NRXN1: variants seen among roughly 807,000 people sequenced by gnomAD.
NRXN1 encodes the protein neurexin 1.
A neutral mutation model predicts 150.9 loss-of-function variants in NRXN1; 39 were observed. That is an observed-to-expected ratio of 0.26 (90% CI 0.20 to 0.34). NRXN1 has a LOEUF of 0.34. Ranked by LOEUF, NRXN1 falls within the 10% of genes least tolerant of loss-of-function variation. NRXN1 has a pLI of 1.00. For missense variants in NRXN1, 1,815 were observed against 1,949.9 expected (o/e 0.93, Z 1.30); for synonymous variants, 924 against 757.0 (o/e 1.22, Z -3.62).
chr2:50,494,743 T>G (rs1023665182), intron 15 of NRXN1, among the ~76,000 whole-genome samples: 4 of 152,110 alleles, frequency 2.6e-5, no homozygotes, highest in African/African-American at 9.7e-5. Flanking sequence ...TAGAAAGAGT[T>G]CTGTTGAGGC....
At chr2:50,875,254 A>G (rs967106715) in intron 5 of NRXN1, among the ~76,000 whole-genome samples, 1 of 151,740 alleles carries the variant, frequency 6.6e-6, no homozygotes, top group African/African-American at 2.4e-5. Flanking sequence ...TGTTGACCAT[A>G]TAACTTCTTC....
chr2:49,922,274 A>G (rs1392821888), intron 22 of NRXN1, 23 bp from the exon 23 acceptor site: 1 of 1,603,480 alleles, frequency 6.2e-7, no homozygotes, highest in East Asian at 2.2e-5. Context: ...GGATGAGAAC[A>G]AACACAAAGT....
chr2:49,986,849 AG>A (rs1463780582), intron 21 of NRXN1, among the ~76,000 whole-genome samples: 1 of 152,096 alleles, frequency 6.6e-6, no homozygotes, highest in Non-Finnish European at 1.5e-5. Context: ...GGATTGCTTG[AG>A]CCCAGGAGTT....
chr2:50,683,646 A>AAAAAAAAAAAATATATATATAT, intron 5 of NRXN1, among the ~76,000 whole-genome samples: 11 of 14,894 alleles, frequency 7.4e-4, no homozygotes, highest in East Asian at 3.8e-3. Flanking sequence ...AAAAAAAAAA[A>AAAAAAAAAAAATATATATATAT]ATATATATAT....
chr2:50,885,853 G>A (rs1252411452), intron 5 of NRXN1, among the ~76,000 whole-genome samples: 5 of 84,946 alleles, frequency 5.9e-5, no homozygotes, highest in Admixed American at 1.1e-4. Flanking sequence ...ACACACACAC[G>A]TCTATACCAT....
intron 5 of NRXN1, among the ~76,000 whole-genome samples, chr2:50,679,953 C>A (rs1440253791): frequency 6.6e-6 from 1 of 150,594 alleles, no homozygotes; most frequent in African/African-American, 2.4e-5. Context: ...GGAAACATGG[C>A]AAAACCTCGT....
chr2:50,904,539 C>T (rs1683395644), intron 5 of NRXN1, among the ~76,000 whole-genome samples: 1 of 152,128 alleles, frequency 6.6e-6, no homozygotes, highest in East Asian at 1.9e-4. Context: ...TGATGCAATA[C>T]AAGGAATGTC....
At chr2:50,906,715 C>T (rs1683733312) in intron 5 of NRXN1, among the ~76,000 whole-genome samples, 1 of 152,186 alleles carries the variant, frequency 6.6e-6, no homozygotes, top group Admixed American at 6.6e-5. Flanking sequence ...TTGCTTGCAA[C>T]CTGCATTTCT....
intron 17 of NRXN1, among the ~76,000 whole-genome samples, chr2:50,401,456 G>A (rs951684492): frequency 1.3e-5 from 2 of 152,058 alleles, no homozygotes; most frequent in African/African-American, 4.8e-5. Context: ...CTTCTTCACT[G>A]GTGAGAGCGG....
intron 17 of NRXN1, among the ~76,000 whole-genome samples, chr2:50,439,772 G>C (rs1396797444): frequency 6.6e-6 from 1 of 150,902 alleles, no homozygotes; most frequent in African/African-American, 2.4e-5. Context: ...AACCGAAATT[G>C]TGCCACTGCA....
At chr2:50,151,201 A>G (rs1318834974) in intron 18 of NRXN1, among the ~76,000 whole-genome samples, 1 of 151,740 alleles carries the variant, frequency 6.6e-6, no homozygotes. Flanking sequence ...TTCTTTCCTC[A>G]GCTTTGTTAT....
intron 5 of NRXN1, among the ~76,000 whole-genome samples, chr2:50,651,876 T>A (rs1385873171): frequency 1.3e-5 from 2 of 151,870 alleles, no homozygotes; most frequent in Admixed American, 6.6e-5. Context: ...CTACCCAGAG[T>A]TGCACTGAAA....
intron 5 of NRXN1, chr2:50,916,705 T>C (rs540190473): frequency 2.8e-4 from 43 of 151,744 alleles, no homozygotes; most frequent in African/African-American, 9.4e-4. Flanking sequence ...GATAAGTTAG[T>C]CTACAACAAG....
At chr2:50,413,038 G>C (rs1318522436) in intron 17 of NRXN1, among the ~76,000 whole-genome samples, 2 of 152,078 alleles carry the variant, frequency 1.3e-5, no homozygotes, top group Non-Finnish European at 2.9e-5. Context: ...ACTTTCATGA[G>C]GAATACACTA....
At chr2:50,764,149 G>A (rs1265178674) in intron 5 of NRXN1, among the ~76,000 whole-genome samples, 2 of 151,798 alleles carry the variant, frequency 1.3e-5, no homozygotes, top group East Asian at 3.9e-4. Context: ...CCCCTGTAGA[G>A]CAACATATCC....
chr2:50,335,392 C>T (rs577812411), intron 17 of NRXN1, among the ~76,000 whole-genome samples: 7 of 152,052 alleles, frequency 4.6e-5, no homozygotes, highest in Non-Finnish European at 1.0e-4. Context: ...TTTCTCTTAC[C>T]GAAATCTCTC....
At chr2:50,420,253 A>G (rs1386082204) in intron 17 of NRXN1, among the ~76,000 whole-genome samples, 2 of 152,106 alleles carry the variant, frequency 1.3e-5, no homozygotes, top group African/African-American at 4.8e-5. Context: ...CGAGTCCTCT[A>G]TGAAACCATA....
At chr2:50,079,370 T>C (rs944223031) in intron 19 of NRXN1, among the ~76,000 whole-genome samples, 1 of 152,110 alleles carries the variant, frequency 6.6e-6, no homozygotes, top group Non-Finnish European at 1.5e-5. Context: ...CCCATTCATT[T>C]TCCTATTAGC....
intron 5 of NRXN1, among the ~76,000 whole-genome samples, chr2:50,856,117 C>T (rs1221932701): frequency 6.7e-6 from 1 of 150,080 alleles, no homozygotes; most frequent in Non-Finnish European, 1.5e-5. Flanking sequence ...GCTGGTTATT[C>T]TCAGTTTTCC....
Sources: allele counts gnomAD v4.1 joint callset (sites outside exome capture counted in the v4.1 genomes callset), GRCh38; gene constraint gnomAD v4.1.1; transcripts MANE v1.5; gene names NCBI Gene and HGNC (gene_info 2026-07-23, HGNC 2026-07-21).